Variants in CELF2 observed in about 807,000 individuals in gnomAD.
The protein encoded by CELF2 is CUGBP Elav-like family member 2.
A neutral mutation model predicts 62.6 loss-of-function variants in CELF2; 8 were observed. That is an observed-to-expected ratio of 0.13 (90% CI 0.07 to 0.23). The LOEUF (loss-of-function observed/expected upper bound fraction) is 0.23. Among genes scored for constraint, CELF2 ranks in the 10% least tolerant of loss-of-function variants. The pLI is 1.00. For synonymous variants in CELF2, 258 were observed against 250.0 expected, an observed-to-expected ratio of 1.03 and a Z score of -0.30; for missense variants, 333 against 671.0, an observed-to-expected ratio of 0.50 and a Z score of 5.56.
Position 11,328,823 on chromosome 10 carries a change from C to G in CELF2, c.1439-103C>G. On this transcript the variant is annotated intron_variant, in intron 12 of 12. Transcript: ENST00000633077. The surrounding 1 kb of genome is among the most constrained non-coding windows in gnomAD (Gnocchi z 6.4). ...AGCTGTGCTGGGCCCGTGGGGCTGG[C>G]ACCTCATGCTGGCTCTTCAGCCTTC... 2 of 1,349,026 alleles carry G rather than the reference C, an allele frequency of 1.5e-6. No homozygotes were observed. The highest frequency in any genetic ancestry group is 2.0e-6 in the Non-Finnish European group (2 of 991,188). 83.6% of individuals were successfully genotyped at this position (1,349,026 alleles called of 1,614,324 possible). A position where few individuals can be genotyped will look rare whatever the true frequency, so the allele number is the denominator to read the frequency against.
the CELF2 span, among the ~76,000 whole-genome samples, chr10:10,528,281 C>A: frequency 2.2e-4 from 33 of 152,232 alleles, no homozygotes; most frequent in Admixed American, 6.5e-4. Context: ...ACAAAAGGCA[C>A]AGATTGCTGG....
the CELF2 span, among the ~76,000 whole-genome samples, chr10:10,612,541 A>G: frequency 6.6e-6 from 1 of 152,186 alleles, no homozygotes; most frequent in Non-Finnish European, 1.5e-5. Context: ...AGGGAATAAT[A>G]TGTGCAAAGA....
chr10:10,654,305 A>ACCATTCCT, the CELF2 span, among the ~76,000 whole-genome samples: 1 of 112,022 alleles, frequency 8.9e-6, no homozygotes, highest in Non-Finnish European at 1.9e-5. Flanking sequence ...AGGAACTGGT[A>ACCATTCCT]CCATTCCTTC....
chr10:11,017,980 C>G lies in CELF2; in HGVS notation c.-110C>G, dbSNP rs1222573255. ...AATGTGACAAGTGCCGGCTCGGCGG[C>G]CGCCGGGGGAGGCCGCGCGCACCTG... On this transcript the variant is annotated 5_prime_UTR_variant, in exon 1 of 13. Transcript: ENST00000633077. The surrounding 1 kb of genome is among the most constrained non-coding windows in gnomAD (Gnocchi z 5.5). 1 of 991,004 alleles carries G rather than the reference C, an allele frequency of 1.0e-6. No individual in the cohort carries two copies. Among genetic ancestry groups the G allele is most frequent in the East Asian group, 1.1e-4 (1 of 9,046 alleles). The allele number at this position is 991,004 out of a possible 1,614,324, so 61.4% of individuals were successfully genotyped here. A position where few individuals can be genotyped will look rare whatever the true frequency, so the allele number is the denominator to read the frequency against.
chr10:11,295,902 T>G (rs996413976), intron 9 of CELF2, among the ~76,000 whole-genome samples: 1 of 152,162 alleles, frequency 6.6e-6, no homozygotes. Flanking sequence ...TGCAATGAAC[T>G]TCTGCCTAGT....
rs1217551957 is a variant in CELF2, at chr10:10,938,185, C to T, written c.89+18186C>T. Among the ~76,000 whole-genome samples, 1 of 152,118 alleles carries T rather than the reference C, an allele frequency of 6.6e-6. No individual in the cohort carries two copies. The highest frequency in any genetic ancestry group is 1.9e-4 in the East Asian group (1 of 5,192). ...TGAAAAGCCAGCTGTTCTTTGTTTT[C>T]TAATGGGCATGTGATGTTGATGAAA... On this transcript the variant is annotated intron_variant, in intron 2 of 13. Coordinates refer to the CELF2 transcript ENST00000636488. This position sits in a 1 kb window ranked among gnomAD's most constrained non-coding sequence, Gnocchi z 4.2.
At chr10:11,122,844 G>T (rs2058018890) in intron 1 of CELF2, among the ~76,000 whole-genome samples, 1 of 152,146 alleles carries the variant, frequency 6.6e-6, no homozygotes, top group African/African-American at 2.4e-5. Flanking sequence ...TTGCTGTTGT[G>T]GAGATGAACA....
chr10:11,280,157 C>T lies in CELF2; in HGVS notation c.841+5037C>T, dbSNP rs2087828729. Among the ~76,000 whole-genome samples the T allele has an allele frequency of 6.6e-6, 1 of 152,154 alleles. No homozygotes were observed. The highest frequency in any genetic ancestry group is 1.5e-5 in the Non-Finnish European group (1 of 68,028). On this transcript the variant is annotated intron_variant, in intron 8 of 12. Coordinates refer to ENST00000633077, the MANE Select transcript of CELF2 (RefSeq NM_001326342.2). The surrounding 1 kb of genome is among the most constrained non-coding windows in gnomAD (Gnocchi z 7.6). ...GGGCTGAGATGGGGAAAGGACGGGG[C>T]ACCCACATACCTCAGAAAAGAGAGA...
chr10:11,290,048 A>C lies in CELF2; in HGVS notation c.976+1496A>C, dbSNP rs2092263790. Among the ~76,000 whole-genome samples the C allele has an allele frequency of 6.6e-6, 1 of 152,174 alleles. No homozygotes were observed. The highest frequency in any genetic ancestry group is 1.5e-5 in the Non-Finnish European group (1 of 68,034). On this transcript the variant is annotated intron_variant, in intron 9 of 12. Coordinates refer to ENST00000633077, the MANE Select transcript of CELF2 (RefSeq NM_001326342.2). The surrounding 1 kb of genome is among the most constrained non-coding windows in gnomAD (Gnocchi z 4.3). ...TTTTGGAGCATCTTCAGTCCAAAGG[A>C]GGCTTGACAGTTTAAGAAGCCAAAT...
chr10:10,635,199 A>T, the CELF2 span, among the ~76,000 whole-genome samples: 1 of 152,210 alleles, frequency 6.6e-6, no homozygotes, highest in African/African-American at 2.4e-5. Context: ...GAGTTAGCAC[A>T]TCATTTGTCC....
At chr10:11,013,860 G>A (rs2056854496), upstream of CELF2, among the ~76,000 whole-genome samples, 1 of 152,210 alleles carries the variant, frequency 6.6e-6, no homozygotes, top group African/African-American at 2.4e-5. The surrounding 1 kb of genome is among the most constrained non-coding windows in gnomAD (Gnocchi z 4.1). Context: ...CTTACAATGT[G>A]TCACTTAAGG....
chr10:10,939,877 C>T (rs2046860608), intron 2 of CELF2, among the ~76,000 whole-genome samples: 1 of 152,040 alleles, frequency 6.6e-6, no homozygotes, highest in African/African-American at 2.4e-5. Flanking sequence ...TGGTGTGATA[C>T]TAGGAGGCAG....
chr10:10,564,674 G>A, the CELF2 span, among the ~76,000 whole-genome samples: 3,371 of 63,590 alleles, frequency 0.053, 126 homozygotes, highest in African/African-American at 0.22. Context: ...ACACACACAC[G>A]CACACACGCA....
chr10:10,649,328 T>C, the CELF2 span, among the ~76,000 whole-genome samples: 9 of 152,172 alleles, frequency 5.9e-5, 1 homozygote, highest in Admixed American at 2.0e-4. Context: ...GAAATTGTAA[T>C]TAGATAGCGG....
intron 1 of CELF2, among the ~76,000 whole-genome samples, chr10:10,875,610 A>C (rs2061034833): frequency 6.6e-6 from 1 of 152,106 alleles, no homozygotes; most frequent in African/African-American, 2.4e-5. Context: ...TCTTACTAAC[A>C]ATGGTGGTGG....
At chr10:10,736,392 C>CTT in the CELF2 span, among the ~76,000 whole-genome samples, 1 of 77,996 alleles carries the variant, frequency 1.3e-5, no homozygotes, top group Admixed American at 1.1e-4. Context: ...TTCTTTCTTT[C>CTT]TTTCTTTTTT....
chr10:10,561,043 A>T, the CELF2 span, among the ~76,000 whole-genome samples: 19 of 152,284 alleles, frequency 1.2e-4, no homozygotes, highest in African/African-American at 4.6e-4. Context: ...GGTGACAGAT[A>T]AAAGATATTA....
the CELF2 span, among the ~76,000 whole-genome samples, chr10:10,608,191 C>T: frequency 2.0e-5 from 3 of 152,086 alleles, no homozygotes; most frequent in East Asian, 1.9e-4. Context: ...TGAGGCCAAT[C>T]GTGTGTTACA....
chr10:11,079,191 G>A (rs979144678), intron 1 of CELF2, among the ~76,000 whole-genome samples: 2 of 152,234 alleles, frequency 1.3e-5, no homozygotes, highest in East Asian at 3.9e-4. Context: ...TGACAAGAGA[G>A]GAGTATCTCA....
Sources: allele counts gnomAD v4.1 joint callset (sites outside exome capture counted in the v4.1 genomes callset), GRCh38; gene constraint gnomAD v4.1.1; non-coding constraint Gnocchi (gnomAD v3.1); transcripts MANE v1.5; gene names NCBI Gene and HGNC (gene_info 2026-07-23, HGNC 2026-07-21).